Variants in XIRP2 observed in about 807,000 individuals in gnomAD.
The protein encoded by XIRP2 is xin actin binding repeat containing 2.
XIRP2 carries 236 observed loss-of-function variants against 277.0 expected under a neutral mutation model. The ratio of observed to expected loss-of-function variants is 0.85; its 90% confidence interval spans 0.77 to 0.95. XIRP2 has a LOEUF of 0.95. Among genes scored for constraint, XIRP2 ranks in the 40% least tolerant of loss-of-function variants. XIRP2 has a pLI of 0.00. For missense variants in XIRP2, 4,640 were observed against 4,157.5 expected, an observed-to-expected ratio of 1.12 and a Z score of -3.19; for synonymous variants, 1,490 against 1,416.5, an observed-to-expected ratio of 1.05 and a Z score of -1.17.
At chr2:167,207,664 A>G (rs963316857) in intron 3 of XIRP2, among the ~76,000 whole-genome samples, 1 of 152,192 alleles carries the variant, frequency 6.6e-6, no homozygotes, top group African/African-American at 2.4e-5. Flanking sequence ...AGAAAAGCAT[A>G]TATGTTTGAG....
At chr2:167,149,309 A>G (rs1369292182) in intron 3 of XIRP2, among the ~76,000 whole-genome samples, 1 of 152,200 alleles carries the variant, frequency 6.6e-6, no homozygotes, top group Admixed American at 6.5e-5. Flanking sequence ...CATGCTTTCA[A>G]CTGGGGTCTC....
At position 167,098,982 on chromosome 2, in the gene XIRP2, C is replaced by G. The variant is rs140310214; in HGVS notation, c.409-36927C>G. On this transcript the variant is annotated intron_variant, in intron 2 of 10. Coordinates refer to ENST00000409195, the MANE Select transcript of XIRP2 (RefSeq NM_152381.6). ...CTCTCCTGTATGAGGTGTCTGTCGACCCCTGCTAGGAGGTGTCTCCCAGTC... is the reference window on the plus strand; with the variant it reads ...CTCTCCTGTATGAGGTGTCTGTCGAGCCCTGCTAGGAGGTGTCTCCCAGTC... 1.3e-3 allele frequency among the ~76,000 whole-genome samples: 203 copies of G among 152,256 alleles called. 7 individuals carry two copies. In the East Asian group the frequency reaches 0.034, roughly 26 times the overall value.
intron 2 of XIRP2, among the ~76,000 whole-genome samples, chr2:167,083,705 A>ATTCAC: frequency 6.6e-6 from 1 of 152,204 alleles, no homozygotes; most frequent in African/African-American, 2.4e-5. Context: ...TCTTTGAAGC[A>ATTCAC]ATTGTGAATG....
chr2:166,906,932 C>T (rs992681302), intron 2 of XIRP2, among the ~76,000 whole-genome samples: 11 of 152,116 alleles, frequency 7.2e-5, no homozygotes, highest in Admixed American at 6.6e-4. Context: ...AGCAAACAAA[C>T]ATTATTTTCT....
intron 2 of XIRP2, among the ~76,000 whole-genome samples, chr2:167,039,787 G>A (rs1688614182): frequency 6.6e-6 from 1 of 152,206 alleles, no homozygotes; most frequent in Non-Finnish European, 1.5e-5. Flanking sequence ...CACATATGCT[G>A]ATTTTAAACT....
At chr2:167,072,171 T>C (rs1689453613) in intron 2 of XIRP2, among the ~76,000 whole-genome samples, 1 of 152,182 alleles carries the variant, frequency 6.6e-6, no homozygotes, top group African/African-American at 2.4e-5. Context: ...TATGATTGTG[T>C]CTGTGTATGT....
intron 2 of XIRP2, among the ~76,000 whole-genome samples, chr2:167,051,737 T>A (rs1210981207): frequency 6.6e-6 from 1 of 152,110 alleles, no homozygotes; most frequent in Non-Finnish European, 1.5e-5. Context: ...TTTAAAAATA[T>A]ATACAGACAA....
intron 2 of XIRP2, among the ~76,000 whole-genome samples, chr2:167,027,119 T>G (rs773711332): frequency 6.6e-6 from 1 of 152,168 alleles, no homozygotes; most frequent in Non-Finnish European, 1.5e-5. Flanking sequence ...GGTTCCATTC[T>G]CTCCGTCACT....
At chr2:167,111,225 G>A (rs909829111) in intron 2 of XIRP2, among the ~76,000 whole-genome samples, 1 of 152,094 alleles carries the variant, frequency 6.6e-6, no homozygotes, top group African/African-American at 2.4e-5. Context: ...AATAGGAGTG[G>A]TAAGAGAGGG....
rs1695371770 is a variant in XIRP2, at chr2:167,248,805, C to CAGTGA, written c.7415_7419dup (p.His2474ValfsTer48). 6.2e-7 allele frequency: 1 copy of CAGTGA among 1,613,648 alleles called. No individual in the cohort carries two copies. Among genetic ancestry groups the CAGTGA allele is most frequent in the South Asian group, 1.1e-5 (1 of 91,064 alleles). ...AGAAAAAAGTAATGGTGATGACCAG[C>CAGTGA]AGTGAACACACGGAGACAAAGCAGA... On this transcript the variant is annotated frameshift_variant, in exon 9 of 11. Transcript: ENST00000409195. LOFTEE classifies it high-confidence loss of function.
intron 2 of XIRP2, among the ~76,000 whole-genome samples, chr2:167,024,625 C>A (rs932960098): frequency 2.0e-5 from 3 of 152,032 alleles, no homozygotes; most frequent in African/African-American, 7.2e-5. Context: ...TGAGATACAT[C>A]CCATCAATAC....
chr2:166,908,888 T>G (rs765028339), intron 2 of XIRP2, among the ~76,000 whole-genome samples: 44 of 152,164 alleles, frequency 2.9e-4, no homozygotes, highest in Non-Finnish European at 5.0e-4. Context: ...TTTCCCCATT[T>G]CTTGTTTTTG....
In XIRP2 at chr2:167,244,461, A is replaced by T. The variant is rs1447097422; in HGVS notation, c.3069A>T (p.Thr1023=). ...GAAGCTGTAGGTGGCTTTTTGAAAC[A>T]AGGCCCATTGACCAGTTTGATGAAA... The part of the protein sequence containing the change: ...DVRSCRWLFE[T]RPIDQFDESI... The change falls in exon 9 of 11, where the codon ACA becomes ACT. Residue 1023 remains threonine (T), a synonymous_variant. Coordinates refer to ENST00000409195, the MANE Select transcript of XIRP2 (RefSeq NM_152381.6). 4 of 1,613,638 alleles carry T rather than the reference A, an allele frequency of 2.5e-6. No homozygotes were observed. The highest frequency in any genetic ancestry group is 2.7e-5 in the African/African-American group (2 of 74,880).
chr2:167,089,077 G>C (rs1420870810), intron 2 of XIRP2, among the ~76,000 whole-genome samples: 1 of 152,098 alleles, frequency 6.6e-6, no homozygotes, highest in Non-Finnish European at 1.5e-5. Flanking sequence ...CCACAATCCT[G>C]TCAACTTAGT....
intron 3 of XIRP2, among the ~76,000 whole-genome samples, chr2:167,137,340 G>A (rs1223288909): frequency 2.0e-5 from 3 of 152,114 alleles, no homozygotes; most frequent in Non-Finnish European, 4.4e-5. Flanking sequence ...TCAGTCTTGA[G>A]GAATTTACTC....
chr2:166,947,736 C>T (rs1323254236), intron 2 of XIRP2, among the ~76,000 whole-genome samples: 1 of 152,078 alleles, frequency 6.6e-6, no homozygotes, highest in East Asian at 1.9e-4. Context: ...AGCATATGAT[C>T]CAGGACTTGG....
At chr2:167,053,617 A>G (rs985077380) in intron 2 of XIRP2, among the ~76,000 whole-genome samples, 15 of 152,270 alleles carry the variant, frequency 9.9e-5, no homozygotes, top group African/African-American at 3.6e-4. Flanking sequence ...TTTATATGCA[A>G]TGTAGTAAAA....
At chr2:166,942,090 G>A (rs1450796616) in intron 2 of XIRP2, among the ~76,000 whole-genome samples, 1 of 152,024 alleles carries the variant, frequency 6.6e-6, no homozygotes, top group African/African-American at 2.4e-5. Flanking sequence ...TCACCTTTCT[G>A]TATCTATGTC....
At chr2:167,011,970 T>C (rs1687691640) in intron 2 of XIRP2, among the ~76,000 whole-genome samples, 4 of 152,122 alleles carry the variant, frequency 2.6e-5, no homozygotes, top group Admixed American at 2.6e-4. Flanking sequence ...TCTTTTCTTC[T>C]TTATTAGTCT....
Sources: allele counts gnomAD v4.1 joint callset (sites outside exome capture counted in the v4.1 genomes callset), GRCh38; gene constraint gnomAD v4.1.1; transcripts MANE v1.5; gene names NCBI Gene and HGNC (gene_info 2026-07-23, HGNC 2026-07-21).